Variants in FGF12 observed in about 807,000 individuals in gnomAD.
FGF12 encodes fibroblast growth factor 12B.
FGF12 carries 14 observed loss-of-function variants against 23.6 expected under a neutral mutation model. The observed-to-expected ratio is 0.59, with a 90% CI of 0.39 to 0.93. The LOEUF is 0.93. Among genes scored for constraint, FGF12 ranks in the 40% least tolerant of loss-of-function variants. The probability of loss-of-function intolerance (pLI) is 0.00; values close to 1 mark genes in which losing one functional copy is unlikely to be tolerated. For synonymous variants in FGF12, 62 were observed against 77.3 expected (o/e 0.80, Z 1.04); for missense variants, 175 against 217.8 (o/e 0.80, Z 1.24).
chr3:192,319,340 T>C (rs1371300998), intron 4 of FGF12, among the ~76,000 whole-genome samples: 1 of 152,178 alleles, frequency 6.6e-6, no homozygotes, highest in East Asian at 1.9e-4. Context: ...CTCACGTCTG[T>C]AATCCCAGCA....
chr3:192,494,951 C>T (rs567367600), intron 2 of FGF12, among the ~76,000 whole-genome samples: 23 of 152,250 alleles, frequency 1.5e-4, no homozygotes, highest in African/African-American at 5.3e-4. Context: ...AACTCTGCCT[C>T]CCAAGTTCAA....
intron 2 of FGF12, among the ~76,000 whole-genome samples, chr3:192,440,655 T>C (rs1722176913): frequency 6.6e-6 from 1 of 152,216 alleles, no homozygotes; most frequent in Admixed American, 6.5e-5. Flanking sequence ...AAATCTTGTT[T>C]TGCAGATGGT....
intron 2 of FGF12, among the ~76,000 whole-genome samples, chr3:192,470,774 A>T (rs1723149382): frequency 6.6e-6 from 1 of 152,130 alleles, no homozygotes; most frequent in Admixed American, 6.5e-5. Context: ...CCCACAAGGG[A>T]AAACTAATCT....
intron 2 of FGF12, among the ~76,000 whole-genome samples, chr3:192,506,621 C>T (rs1243352348): frequency 2.0e-5 from 3 of 152,186 alleles, no homozygotes. Context: ...ACCTGCCCAC[C>T]TCAGTCTCCC....
intron 2 of FGF12, among the ~76,000 whole-genome samples, chr3:192,580,203 C>G (rs577863603): frequency 6.2e-4 from 94 of 152,172 alleles, no homozygotes; most frequent in African/African-American, 2.1e-3. Flanking sequence ...GCACTTTATG[C>G]AAGATCTTAT....
At chr3:192,470,044 G>C (rs1723126143) in intron 2 of FGF12, among the ~76,000 whole-genome samples, 1 of 152,176 alleles carries the variant, frequency 6.6e-6, no homozygotes, top group Non-Finnish European at 1.5e-5. Context: ...ACTGAACCAA[G>C]ATAATGATGT....
chr3:192,173,432 G>C (rs1185547735), intron 4 of FGF12, among the ~76,000 whole-genome samples: 1 of 140,536 alleles, frequency 7.1e-6, no homozygotes, highest in Non-Finnish European at 1.6e-5. Flanking sequence ...CGAAGGCCTT[G>C]TCTCAATATT....
chr3:192,397,947 T>TAA (rs11368857), intron 2 of FGF12, among the ~76,000 whole-genome samples: 21 of 151,476 alleles, frequency 1.4e-4, no homozygotes, highest in South Asian at 4.2e-4. Context: ...CAGTGCAATT[T>TAA]AAAAAAAAAC....
At chr3:192,277,246 T>C (rs1317913606) in intron 4 of FGF12, among the ~76,000 whole-genome samples, 1 of 152,216 alleles carries the variant, frequency 6.6e-6, no homozygotes, top group Non-Finnish European at 1.5e-5. Flanking sequence ...TAAGTGAAGA[T>C]ATTATCTCAA....
In FGF12 at chr3:192,327,615, C is replaced by T. The variant is rs533208178; in HGVS notation, c.228+7746G>A. 1.8e-4 allele frequency among the ~76,000 whole-genome samples: 23 copies of T among 124,386 alleles called. No individual in the cohort carries two copies. In the East Asian group the frequency reaches 5.5e-3, roughly 30 times the overall value. The allele number at this position is 124,386 out of a possible 152,430, so 81.6% of individuals were successfully genotyped here. On this transcript the variant is annotated intron_variant, in intron 4 of 5. Transcript: ENST00000445105. ...CCAATATTAACCACTAAAATGCCAGCGATAAGTGTGCTAAGCACATCAAAC... is the reference window on the plus strand; with the variant it reads ...CCAATATTAACCACTAAAATGCCAGTGATAAGTGTGCTAAGCACATCAAAC...
intron 4 of FGF12, among the ~76,000 whole-genome samples, chr3:192,311,624 G>T (rs972896609): frequency 6.6e-6 from 1 of 152,150 alleles, no homozygotes; most frequent in Admixed American, 6.5e-5. Flanking sequence ...AAGAGTCTTT[G>T]TGTAGACATA....
At chr3:192,410,182 T>C (rs1191273085) in intron 2 of FGF12, among the ~76,000 whole-genome samples, 2 of 152,166 alleles carry the variant, frequency 1.3e-5, no homozygotes, top group Non-Finnish European at 2.9e-5. Flanking sequence ...GCCGGGCCCC[T>C]GGAGCGCTGG....
intron 2 of FGF12, among the ~76,000 whole-genome samples, chr3:192,488,838 C>T (rs899553194): frequency 2.0e-5 from 3 of 152,074 alleles, no homozygotes; most frequent in African/African-American, 7.2e-5. Context: ...TTTGAAACAA[C>T]ATCTGAATCA....
intron 2 of FGF12, among the ~76,000 whole-genome samples, chr3:192,613,910 G>T (rs1577079622): frequency 6.6e-6 from 1 of 151,898 alleles, no homozygotes; most frequent in East Asian, 1.9e-4. Flanking sequence ...TTACACAAAG[G>T]AATGTAAATT....
intron 4 of FGF12, among the ~76,000 whole-genome samples, chr3:192,200,508 A>G (rs1275553290): frequency 6.6e-6 from 1 of 152,228 alleles, no homozygotes; most frequent in Non-Finnish European, 1.5e-5. Context: ...ATTAAGAAAG[A>G]AACTTTCACG....
At chr3:192,173,164 GT>G (rs1366544173) in intron 4 of FGF12, among the ~76,000 whole-genome samples, 55 of 150,850 alleles carry the variant, frequency 3.6e-4, no homozygotes, top group African/African-American at 1.2e-3. Context: ...TGGAGTGACT[GT>G]TTTGTTGGAG....
intron 4 of FGF12, among the ~76,000 whole-genome samples, chr3:192,178,682 G>C (rs1366875377): frequency 6.6e-6 from 1 of 152,130 alleles, no homozygotes; most frequent in African/African-American, 2.4e-5. Context: ...ATTTTTAGTA[G>C]AGACAGGGTT....
intron 3 of FGF12, among the ~76,000 whole-genome samples, chr3:192,341,219 C>T (rs934199818): frequency 1.3e-5 from 2 of 152,074 alleles, no homozygotes; most frequent in Non-Finnish European, 2.9e-5. Context: ...ATATACTCAA[C>T]ATCACTAATC....
chr3:192,590,471 T>G (rs1713570394), intron 2 of FGF12, among the ~76,000 whole-genome samples: 1 of 151,950 alleles, frequency 6.6e-6, no homozygotes, highest in South Asian at 2.1e-4. Context: ...TATGAACACT[T>G]GAAGGTTTTT....
Sources: gnomAD v4.1 joint callset for allele counts (sites outside exome capture counted in the v4.1 genomes callset) on GRCh38, gnomAD v4.1.1 for gene constraint, MANE v1.5 for transcripts, NCBI Gene and HGNC (gene_info 2026-07-23, HGNC 2026-07-21) for gene names.